SRPK1: variants seen among roughly 807,000 people sequenced by gnomAD.
SRPK1 encodes the protein SRSF protein kinase 1, also known as SFRS protein kinase 1.
SRPK1 carries 52 observed loss-of-function variants against 89.5 expected under a neutral mutation model. That is an observed-to-expected ratio of 0.58 (90% CI 0.46 to 0.73). The LOEUF (loss-of-function observed/expected upper bound fraction) is 0.73, where lower values mean the gene tolerates loss of function less well. Ranked by LOEUF, SRPK1 falls within the 30% of genes least tolerant of loss-of-function variation. The pLI is 0.00. For synonymous variants in SRPK1, 255 were observed against 270.2 expected, an observed-to-expected ratio of 0.94 and a Z score of 0.55; for missense variants, 603 against 780.6, an observed-to-expected ratio of 0.77 and a Z score of 2.71.
intron 14 of SRPK1, among the ~76,000 whole-genome samples, chr6:35,841,290 C>G (rs1769300238): frequency 6.6e-6 from 1 of 152,142 alleles, no homozygotes; most frequent in African/African-American, 2.4e-5. Flanking sequence ...ATAGCATTTT[C>G]CAAATGGTAT....
chr6:35,867,092 C>T (rs1031836090), intron 12 of SRPK1, among the ~76,000 whole-genome samples: 5 of 152,042 alleles, frequency 3.3e-5, no homozygotes, highest in African/African-American at 1.2e-4. Flanking sequence ...ATTGAAGGCC[C>T]TGACTTCACC....
chr6:35,875,254 CTTTTTTT>C (rs753490683), intron 6 of SRPK1, among the ~76,000 whole-genome samples: 1 of 136,966 alleles, frequency 7.3e-6, no homozygotes, highest in Non-Finnish European at 1.6e-5. Flanking sequence ...ATGGAGACTT[CTTTTTTT>C]TTTTTTTTTT....
intron 2 of SRPK1, among the ~76,000 whole-genome samples, chr6:35,896,922 A>C (rs556145843): frequency 1.3e-5 from 2 of 150,050 alleles, no homozygotes; most frequent in African/African-American, 5.1e-5. Flanking sequence ...AGATGAATGA[A>C]CCTTGAAAAC....
intron 6 of SRPK1, 73 bp downstream of exon 6, chr6:35,886,651 T>C (rs536315676): frequency 2.5e-5 from 22 of 894,468 alleles, no homozygotes; most frequent in Non-Finnish European, 4.0e-5. Context: ...ACCAAGGCCA[T>C]CTACACAACA....
At chr6:35,900,986 C>T (rs1418024714) in intron 2 of SRPK1, among the ~76,000 whole-genome samples, 2 of 152,118 alleles carry the variant, frequency 1.3e-5, no homozygotes, top group Non-Finnish European at 2.9e-5. Context: ...AGATTTCCAT[C>T]TCTTAAATAA....
intron 2 of SRPK1, among the ~76,000 whole-genome samples, chr6:35,897,986 A>T (rs1016874920): frequency 1.3e-5 from 2 of 152,258 alleles, no homozygotes; most frequent in African/African-American, 4.8e-5. Context: ...AATTGCTAAA[A>T]GGATCATCTA....
At chr6:35,885,094 TGA>T (rs911108519) in intron 6 of SRPK1, among the ~76,000 whole-genome samples, 1 of 152,262 alleles carries the variant, frequency 6.6e-6, no homozygotes, top group African/African-American at 2.4e-5. Flanking sequence ...TGGGGAGATT[TGA>T]GAGTATTTCT....
At chr6:35,836,451 C>T (rs1037447459) in intron 15 of SRPK1, among the ~76,000 whole-genome samples, 1 of 152,048 alleles carries the variant, frequency 6.6e-6, no homozygotes, top group Admixed American at 6.6e-5. Context: ...AAGGCAAATG[C>T]TGCTTTAAAA....
At chr6:35,860,985 T>C (rs531985670) in intron 12 of SRPK1, among the ~76,000 whole-genome samples, 2 of 152,244 alleles carry the variant, frequency 1.3e-5, no homozygotes, top group Admixed American at 6.5e-5. Context: ...GTGTGGGCCA[T>C]GGTAAGGACT....
chr6:35,881,460 T>TAGATAC (rs1770288510), intron 6 of SRPK1, among the ~76,000 whole-genome samples: 1 of 110,088 alleles, frequency 9.1e-6, no homozygotes, highest in Non-Finnish European at 2.2e-5. Context: ...GATATAGATA[T>TAGATAC]AGATATAGAT....
At chr6:35,870,568 C>T (rs1240538950) in intron 9 of SRPK1, 74 bp from the exon 10 acceptor site, 2 of 1,296,924 alleles carry the variant, frequency 1.5e-6, no homozygotes, top group Non-Finnish European at 2.1e-6. Context: ...TAGTTGTTAA[C>T]TTTAATTACT....
chr6:35,856,228 T>A (rs1312462212), intron 13 of SRPK1, among the ~76,000 whole-genome samples: 1 of 152,108 alleles, frequency 6.6e-6, no homozygotes, highest in Non-Finnish European at 1.5e-5. Flanking sequence ...TGGGTGAGCA[T>A]CCCTCGGTGG....
rs760298376 is a variant in SRPK1, at chr6:35,870,390, T to C, written c.882A>G (p.Lys294=). The C allele has an allele frequency of 1.1e-5, 18 of 1,595,204 alleles. No homozygotes were observed. In the East Asian group the frequency reaches 1.8e-4, roughly 16 times the overall value. The change falls in exon 10 of 16, where the codon AAA becomes AAG. Residue 294 remains lysine (K), a synonymous_variant. Transcript: ENST00000373825. ...KRMQEIEEME[K]ESGPGQKRPN... ...GTCTTTTTTGCCCAGGGCCCGACTCTTTCTCCATTTCCTCAATTTCCTGCA... is the reference window on the plus strand; with the variant it reads ...GTCTTTTTTGCCCAGGGCCCGACTCCTTCTCCATTTCCTCAATTTCCTGCA...
chr6:35,842,726 TA>T (rs1190520802), intron 13 of SRPK1, 122 bp from the exon 14 acceptor site: 17,465 of 370,012 alleles, frequency 0.047, no homozygotes, highest in East Asian at 0.084. Flanking sequence ...ATAGATCATT[TA>T]AAAAAAAAAA....
chr6:35,874,473 TA>T (rs1770111447), intron 6 of SRPK1, 134 bp from the exon 7 acceptor site: 2 of 637,402 alleles, frequency 3.1e-6, no homozygotes, highest in African/African-American at 3.7e-5. Context: ...AATGAATAAA[TA>T]TGTAGCTGTT....
chr6:35,843,594 G>A (rs1366025556), intron 13 of SRPK1, among the ~76,000 whole-genome samples: 1 of 152,030 alleles, frequency 6.6e-6, no homozygotes, highest in Non-Finnish European at 1.5e-5. Flanking sequence ...GGGACTACAG[G>A]TGCATGCCAC....
chr6:35,889,816 C>T (rs1443026484), intron 3 of SRPK1, among the ~76,000 whole-genome samples: 5 of 139,614 alleles, frequency 3.6e-5, no homozygotes, highest in East Asian at 2.3e-4. Flanking sequence ...AAACAAAAAA[C>T]GGCAAGGCGC....
chr6:35,892,819 GATT>G (rs1293035134), intron 2 of SRPK1, among the ~76,000 whole-genome samples: 4 of 152,162 alleles, frequency 2.6e-5, no homozygotes, highest in African/African-American at 9.6e-5. Context: ...TGTTTCATCA[GATT>G]ATTTTTTCAA....
chr6:35,883,398 T>A (rs1770337756), intron 6 of SRPK1, among the ~76,000 whole-genome samples: 1 of 151,640 alleles, frequency 6.6e-6, no homozygotes, highest in Non-Finnish European at 1.5e-5. Context: ...TCAAAATAAA[T>A]AAAAATAAAA....
Sources: gnomAD v4.1 joint callset for allele counts (sites outside exome capture counted in the v4.1 genomes callset) on GRCh38, gnomAD v4.1.1 for gene constraint, MANE v1.5 for transcripts, NCBI Gene and HGNC (gene_info 2026-07-23, HGNC 2026-07-21) for gene names.